Variants in ENTREP2 observed in about 807,000 individuals in gnomAD.
ENTREP2 encodes the protein protein ENTREP2.
chr15:29,206,987 G>A, the ENTREP2 span, among the ~76,000 whole-genome samples: 4 of 152,082 alleles, frequency 2.6e-5, no homozygotes, highest in Non-Finnish European at 5.9e-5. Flanking sequence ...ATAAACTCAG[G>A]GCCAACATAG....
the ENTREP2 span, among the ~76,000 whole-genome samples, chr15:29,208,550 A>G: frequency 1.3e-5 from 2 of 152,322 alleles, no homozygotes; most frequent in Admixed American, 6.5e-5. Flanking sequence ...CACACCACAG[A>G]TATCAGATTC....
chr15:29,454,168 T>A, the ENTREP2 span, among the ~76,000 whole-genome samples: 1 of 152,194 alleles, frequency 6.6e-6, no homozygotes, highest in Non-Finnish European at 1.5e-5. Context: ...AAAAAAGAAT[T>A]TTTTAAATTT....
At chr15:29,138,595 ATATG>A in the ENTREP2 span, among the ~76,000 whole-genome samples, 25 of 87,738 alleles carry the variant, frequency 2.8e-4, no homozygotes, top group Non-Finnish European at 3.6e-4. Flanking sequence ...GTCTGTGTAT[ATATG>A]TATGTGTGTG....
the ENTREP2 span, among the ~76,000 whole-genome samples, chr15:29,170,580 CTGTG>C: frequency 1.4e-4 from 21 of 149,720 alleles, no homozygotes; most frequent in African/African-American, 2.9e-4. Flanking sequence ...CACAACAAGA[CTGTG>C]TGTGTGTGTG....
At chr15:29,313,726 C>T in the ENTREP2 span, among the ~76,000 whole-genome samples, 19 of 152,244 alleles carry the variant, frequency 1.2e-4, no homozygotes, top group Non-Finnish European at 2.8e-4. Context: ...CTGCAGCCCA[C>T]GGGTCAGGGA....
chr15:29,125,248 G>C, the ENTREP2 span, among the ~76,000 whole-genome samples: 1 of 152,230 alleles, frequency 6.6e-6, no homozygotes, highest in African/African-American at 2.4e-5. Context: ...ACCTCAGTGA[G>C]TGAATGTGAG....
chr15:29,642,433 T>C, the ENTREP2 span, among the ~76,000 whole-genome samples: 2 of 148,474 alleles, frequency 1.3e-5, no homozygotes, highest in Admixed American at 6.8e-5. Flanking sequence ...ATAACAATTA[T>C]ATATATACAT....
the ENTREP2 span, among the ~76,000 whole-genome samples, chr15:29,249,139 T>C: frequency 6.6e-6 from 1 of 151,952 alleles, no homozygotes; most frequent in Non-Finnish European, 1.5e-5. Context: ...TGAAACCTTG[T>C]CTCTACTACA....
chr15:29,570,491 T>C, the ENTREP2 span: 14 of 1,295,778 alleles, frequency 1.1e-5, no homozygotes, highest in African/African-American at 2.1e-4. Flanking sequence ...CCCCGCCTGG[T>C]CGCGGACACT....
the ENTREP2 span, chr15:29,269,853 G>A: frequency 1.4e-5 from 11 of 783,256 alleles, no homozygotes; most frequent in South Asian, 2.5e-5. Flanking sequence ...TGCGCCTTGC[G>A]TCAGGGCGGC....
At chr15:29,667,231 A>T in the ENTREP2 span, among the ~76,000 whole-genome samples, 1 of 149,444 alleles carries the variant, frequency 6.7e-6, no homozygotes, top group African/African-American at 2.5e-5. Flanking sequence ...TCCGTCTCCC[A>T]GGCTGGAGTG....
At chr15:29,634,702 G>A in the ENTREP2 span, among the ~76,000 whole-genome samples, 391 of 152,270 alleles carry the variant, frequency 2.6e-3, 1 homozygote, top group African/African-American at 8.8e-3. Context: ...CAACAAGTCC[G>A]GGGCCTCCAG....
At chr15:29,469,071 GC>G in the ENTREP2 span, among the ~76,000 whole-genome samples, 1 of 152,082 alleles carries the variant, frequency 6.6e-6, no homozygotes, top group Non-Finnish European at 1.5e-5. Context: ...CATCCCGATA[GC>G]CCCCTTCCAG....
the ENTREP2 span, among the ~76,000 whole-genome samples, chr15:29,346,317 C>T: frequency 6.6e-5 from 10 of 152,286 alleles, no homozygotes; most frequent in South Asian, 1.4e-3. Flanking sequence ...ACTCACCGGC[C>T]GGGGACTGCT....
chr15:29,292,322 A>C, the ENTREP2 span, among the ~76,000 whole-genome samples: 1 of 150,928 alleles, frequency 6.6e-6, no homozygotes, highest in Non-Finnish European at 1.5e-5. Context: ...TCAGTACATA[A>C]TTTCATATAT....
At chr15:29,402,265 T>TATATATATATATATATATATATATAC in the ENTREP2 span, among the ~76,000 whole-genome samples, 1,945 of 137,148 alleles carry the variant, frequency 0.014, 58 homozygotes, top group Non-Finnish European at 0.023. Context: ...TATATATATA[T>TATATATATATATATATATATATATAC]ACACACACAT....
At chr15:29,188,539 T>C in the ENTREP2 span, among the ~76,000 whole-genome samples, 1 of 152,202 alleles carries the variant, frequency 6.6e-6, no homozygotes, top group Admixed American at 6.5e-5. Flanking sequence ...GTTAGTTTTC[T>C]GAGAATGATG....
chr15:29,515,521 C>T, the ENTREP2 span, among the ~76,000 whole-genome samples: 1 of 152,120 alleles, frequency 6.6e-6, no homozygotes, highest in South Asian at 2.1e-4. Context: ...ATCTGTTAGC[C>T]CAGTCACATA....
chr15:29,146,497 A>AT, the ENTREP2 span, among the ~76,000 whole-genome samples: 2 of 152,232 alleles, frequency 1.3e-5, no homozygotes, highest in East Asian at 3.8e-4. Flanking sequence ...ATAAACACGT[A>AT]TATCTATGGT....
Sources: gnomAD v4.1 joint callset for allele counts (sites outside exome capture counted in the v4.1 genomes callset) on GRCh38, gnomAD v4.1.1 for gene constraint, MANE v1.5 for transcripts, NCBI Gene and HGNC (gene_info 2026-07-23, HGNC 2026-07-21) for gene names.